DCHS2: variants seen among roughly 807,000 people sequenced by gnomAD.
DCHS2 encodes dachsous cadherin-related 2, also known as protocadherin-23.
A neutral mutation model predicts 182.4 loss-of-function variants in DCHS2; 142 were observed. The ratio of observed to expected loss-of-function variants is 0.78; its 90% CI spans 0.68 to 0.89. DCHS2 has a LOEUF of 0.89. DCHS2 is among the 40% of genes least tolerant of loss of function. The pLI, the probability that DCHS2 is intolerant of heterozygous loss-of-function variation, is 0.00. For missense variants in DCHS2, 4,319 were observed against 4,198.6 expected, an observed-to-expected ratio of 1.03 and a Z score of -0.79; for synonymous variants, 1,740 against 1,663.3, an observed-to-expected ratio of 1.05 and a Z score of -1.12.
intron 3 of DCHS2, among the ~76,000 whole-genome samples, chr4:154,362,826 T>C (rs997455299): frequency 6.6e-5 from 10 of 152,208 alleles, no homozygotes; most frequent in Non-Finnish European, 1.2e-4. Flanking sequence ...ATATTTTCTC[T>C]TCTTGATGAT....
intron 1 of DCHS2, among the ~76,000 whole-genome samples, chr4:154,390,303 C>T (rs1288195684): frequency 3.1e-5 from 4 of 127,986 alleles, no homozygotes; most frequent in Non-Finnish European, 6.3e-5. Flanking sequence ...GTGTGATGTT[C>T]CCCTTCCTGT....
chr4:154,446,413 C>T (rs1734286542), intron 1 of DCHS2, among the ~76,000 whole-genome samples: 2 of 152,158 alleles, frequency 1.3e-5, no homozygotes, highest in Non-Finnish European at 2.9e-5. Context: ...AGCCTAGAGT[C>T]TGTTTCTGGA....
At chr4:154,249,705 T>C (rs1578856301) in intron 16 of DCHS2, among the ~76,000 whole-genome samples, 1 of 152,158 alleles carries the variant, frequency 6.6e-6, no homozygotes, top group Admixed American at 6.5e-5. Flanking sequence ...ATGTGATCTA[T>C]GCAGCCATAA....
intron 13 of DCHS2, among the ~76,000 whole-genome samples, chr4:154,270,365 C>G (rs1349588237): frequency 6.6e-6 from 1 of 151,764 alleles, no homozygotes; most frequent in East Asian, 2.0e-4. Flanking sequence ...GGGGAAGCAC[C>G]AGACTTTAGA....
In DCHS2 at chr4:154,333,103, C is replaced by A. The variant is rs1423583768; in HGVS notation, c.3105G>T (p.Leu1035=). ...CCGCGCCCAGGCTGCCGTTGAGGAA[C>A]AGCACCCCCAGGGCTCTGTCGATGG... ...VFAIDRALGV[L]FLNGSLGAGE... is the part of the protein sequence containing the mutation. Residue 1035 remains leucine, a synonymous_variant, in exon 5 of 20, where the codon CTG becomes CTT. Coordinates refer to ENST00000357232, the MANE Select transcript of DCHS2 (RefSeq NM_001358235.2). The A allele has an allele frequency of 6.2e-7, 1 of 1,614,088 alleles. No homozygotes were observed.
chr4:154,334,904 T>C lies in DCHS2; in HGVS notation c.2677A>G (p.Ser893Gly). 1 of 1,614,200 alleles carries C rather than the reference T, an allele frequency of 6.2e-7. No homozygotes were observed. The highest frequency in any genetic ancestry group is 8.5e-7 in the Non-Finnish European group (1 of 1,180,014). ...FLVYEDVPED[S>G]PIGTVKAREP... ...CTTGCTTTCACTGTTCCAATGGGAC[T>C]ATCTTCAGGCACATCTTCATAAACT... The change falls in exon 4 of 20, where the codon AGT becomes GGT. Residue 893 changes from serine (S) to glycine (G), a missense_variant. Physicochemically the swap from Ser to Gly is moderately conservative, Grantham distance 56. Coordinates refer to ENST00000357232, the MANE Select transcript of DCHS2 (RefSeq NM_001358235.2).
intron 1 of DCHS2, among the ~76,000 whole-genome samples, chr4:154,379,817 C>T (rs1361807013): frequency 6.6e-6 from 1 of 152,114 alleles, no homozygotes; most frequent in South Asian, 2.1e-4. Context: ...AAACCTTCTC[C>T]TTCATCCTGT....
intron 1 of DCHS2, among the ~76,000 whole-genome samples, chr4:154,425,437 T>G (rs1465432647): frequency 6.6e-6 from 1 of 152,206 alleles, no homozygotes; most frequent in African/African-American, 2.4e-5. Flanking sequence ...CATTTCCAAA[T>G]GTTGCTGAAA....
At chr4:154,250,645 T>G (rs1732308147) in intron 16 of DCHS2, among the ~76,000 whole-genome samples, 1 of 152,212 alleles carries the variant, frequency 6.6e-6, no homozygotes, top group Non-Finnish European at 1.5e-5. Flanking sequence ...GTGATCAAGT[T>G]CCTATGGATT....
At chr4:154,253,567 AG>A (rs1174276223) in intron 16 of DCHS2, among the ~76,000 whole-genome samples, 1 of 152,208 alleles carries the variant, frequency 6.6e-6, no homozygotes, top group African/African-American at 2.4e-5. Flanking sequence ...AGAGGAGAAA[AG>A]TTTCATGCTT....
At chr4:154,414,429 G>T (rs185442794) in intron 1 of DCHS2, among the ~76,000 whole-genome samples, 30 of 138,964 alleles carry the variant, frequency 2.2e-4, no homozygotes, top group African/African-American at 6.9e-4. Context: ...AAGCAAAGCA[G>T]AAAATTCCCA....
chr4:154,456,354 T>C (rs1269598305), intron 1 of DCHS2, among the ~76,000 whole-genome samples: 2 of 152,204 alleles, frequency 1.3e-5, no homozygotes, highest in African/African-American at 4.8e-5. Context: ...AACAGTGCAG[T>C]AGCTGCTGAT....
intron 1 of DCHS2, among the ~76,000 whole-genome samples, chr4:154,440,196 C>T (rs114748024): frequency 0.014 from 2,174 of 152,218 alleles, 49 homozygotes; most frequent in African/African-American, 0.048. Flanking sequence ...TAGAGTGAGA[C>T]GAAGCTGATG....
At chr4:154,471,796 T>C (rs1735480087) in intron 1 of DCHS2, among the ~76,000 whole-genome samples, 2 of 152,074 alleles carry the variant, frequency 1.3e-5, no homozygotes, top group African/African-American at 4.8e-5. Context: ...CATGCAAATC[T>C]GTGCCCAATC....
intron 18 of DCHS2, 93 bp from the exon 19 acceptor site, chr4:154,239,395 T>C (rs1731693196): frequency 2.6e-6 from 4 of 1,555,578 alleles, no homozygotes; most frequent in East Asian, 2.3e-5. Context: ...TTTATTCATT[T>C]TGATTATGGA....
Position 154,366,263 on chromosome 4 carries a change from T to C in DCHS2, c.2423A>G (p.Tyr808Cys). The change falls in exon 3 of 20, where the codon TAT (tyrosine) becomes TGT (cysteine). Residue 808 changes from tyrosine (Y) to cysteine (C), a missense_variant. Physicochemically the swap from Tyr to Cys is radical, Grantham distance 194. Transcript: ENST00000357232. ...CGACACGTTTCCTGGAATAAGCTCA[T>C]AAGCCACTGTCCCATATATCCCAGA... ...QDSGIYGTVA[Y>C]ELIPGNVSSL... 1 of 1,613,682 alleles carries C rather than the reference T, an allele frequency of 6.2e-7. No individual in the cohort carries two copies. Among genetic ancestry groups the C allele is most frequent in the Non-Finnish European group, 8.5e-7 (1 of 1,179,912 alleles).
At chr4:154,298,994 T>C (rs896190955) in intron 12 of DCHS2, among the ~76,000 whole-genome samples, 1 of 152,216 alleles carries the variant, frequency 6.6e-6, no homozygotes, top group Admixed American at 6.5e-5. Context: ...AGCCGTATGA[T>C]TTTTTGTGTG....
At chr4:154,454,572 C>T (rs558042561) in intron 1 of DCHS2, among the ~76,000 whole-genome samples, 2 of 152,094 alleles carry the variant, frequency 1.3e-5, no homozygotes, top group Admixed American at 6.6e-5. Context: ...AATTTTGTTT[C>T]GATAGCACCC....
At chr4:154,304,341 C>G (rs1264158761) in intron 12 of DCHS2, among the ~76,000 whole-genome samples, 1 of 152,006 alleles carries the variant, frequency 6.6e-6, no homozygotes, top group Admixed American at 6.6e-5. Context: ...ATGTGGAGAG[C>G]AGTGGTTCAA....
Sources: gnomAD v4.1 joint callset for allele counts (sites outside exome capture counted in the v4.1 genomes callset) on GRCh38, gnomAD v4.1.1 for gene constraint, MANE v1.5 for transcripts, NCBI Gene and HGNC (gene_info 2026-07-23, HGNC 2026-07-21) for gene names.